The following AK5 variants were observed in gnomAD, a reference collection of about 807,000 sequenced individuals.
The protein encoded by AK5 is adenylate kinase 5, also known as adenylate kinase isoenzyme 5.
A neutral mutation model predicts 69.5 loss-of-function variants in AK5; 27 were observed. The ratio of observed to expected loss-of-function variants is 0.39; its 90% CI spans 0.29 to 0.54. AK5 has a LOEUF of 0.54. Among genes scored for constraint, AK5 ranks in the 20% least tolerant of loss-of-function variants. The pLI, the probability that AK5 is intolerant of heterozygous loss-of-function variation, is 0.71. For synonymous variants in AK5, 260 were observed against 244.4 expected (o/e 1.06, Z -0.60); for missense variants, 531 against 700.4 (o/e 0.76, Z 2.73).
At chr1:77,298,464 A>G (rs1357857877) in intron 5 of AK5, among the ~76,000 whole-genome samples, 2 of 151,982 alleles carry the variant, frequency 1.3e-5, no homozygotes, top group Non-Finnish European at 2.9e-5. Flanking sequence ...AATATTTTAT[A>G]TATCTATTTA....
At chr1:77,455,652 A>T (rs1466394005) in intron 8 of AK5, among the ~76,000 whole-genome samples, 1 of 152,100 alleles carries the variant, frequency 6.6e-6, no homozygotes. Flanking sequence ...CACCTAGTCT[A>T]TGATGTTTTA....
At chr1:77,305,128 A>G (rs1481577250) in intron 5 of AK5, among the ~76,000 whole-genome samples, 2 of 152,018 alleles carry the variant, frequency 1.3e-5, no homozygotes, top group South Asian at 2.1e-4. Flanking sequence ...TGCCATTTGT[A>G]TATTGTCTTT....
chr1:77,436,318 T>A (rs1229971909), intron 8 of AK5, among the ~76,000 whole-genome samples: 1 of 151,994 alleles, frequency 6.6e-6, no homozygotes, highest in African/African-American at 2.4e-5. Context: ...CATTTATTGG[T>A]ATGCTTTGTA....
At chr1:77,398,530 TAGAA>T (rs71702089) in intron 6 of AK5, among the ~76,000 whole-genome samples, 24,248 of 151,984 alleles carry the variant, frequency 0.16, 2,164 homozygotes, top group Middle Eastern at 0.27. Flanking sequence ...GAAGAGAAAA[TAGAA>T]AGGGGAAAAG....
chr1:77,408,635 G>C (rs1649820066), intron 6 of AK5, among the ~76,000 whole-genome samples: 1 of 151,900 alleles, frequency 6.6e-6, no homozygotes, highest in Non-Finnish European at 1.5e-5. Flanking sequence ...GGTTTAATTA[G>C]GTCCCACTTA....
chr1:77,553,790 G>A (rs1313079115), intron 13 of AK5, among the ~76,000 whole-genome samples: 4 of 152,132 alleles, frequency 2.6e-5, no homozygotes, highest in African/African-American at 9.7e-5. Context: ...CTTGAGAAGG[G>A]GCGGGAATGT....
At chr1:77,349,892 CT>C (rs1387690761) in intron 6 of AK5, among the ~76,000 whole-genome samples, 7 of 152,158 alleles carry the variant, frequency 4.6e-5, no homozygotes, top group Non-Finnish European at 7.4e-5. Context: ...TCCCTTAAGT[CT>C]TACGTTCCAT....
chr1:77,309,557 T>C (rs1659827390), intron 5 of AK5, among the ~76,000 whole-genome samples: 1 of 152,192 alleles, frequency 6.6e-6, no homozygotes, highest in Non-Finnish European at 1.5e-5. Flanking sequence ...TATAACGATT[T>C]CATGTTACAC....
At chr1:77,532,225 A>T in intron 12 of AK5, 1 of 155,518 alleles carries the variant, frequency 6.4e-6, no homozygotes, top group Non-Finnish European at 1.4e-5. Context: ...GTGGGCGCCA[A>T]GGCGGAGGAG....
At chr1:77,479,131 C>T (rs1655113002) in intron 8 of AK5, among the ~76,000 whole-genome samples, 1 of 151,590 alleles carries the variant, frequency 6.6e-6, no homozygotes, top group Admixed American at 6.6e-5. Flanking sequence ...CTAGATTTCT[C>T]CTCATCAATT....
At chr1:77,425,401 C>G (rs941530820) in intron 8 of AK5, among the ~76,000 whole-genome samples, 4 of 152,118 alleles carry the variant, frequency 2.6e-5, no homozygotes, top group Non-Finnish European at 5.9e-5. Context: ...GCTTGGCCAA[C>G]ATGGTGAAAC....
intron 6 of AK5, among the ~76,000 whole-genome samples, chr1:77,378,764 G>T (rs552783338): frequency 4.6e-5 from 7 of 152,326 alleles, no homozygotes; most frequent in Non-Finnish European, 8.8e-5. Context: ...AGATAAAGGA[G>T]CTATTAAGGT....
intron 13 of AK5, among the ~76,000 whole-genome samples, chr1:77,546,674 C>T (rs1249794618): frequency 1.3e-5 from 2 of 152,182 alleles, no homozygotes; most frequent in Non-Finnish European, 2.9e-5. Flanking sequence ...CGCGCCACTG[C>T]ACTCCAGCCT....
At chr1:77,410,738 GAA>G (rs1227057653) in intron 6 of AK5, among the ~76,000 whole-genome samples, 1 of 151,920 alleles carries the variant, frequency 6.6e-6, no homozygotes, top group Non-Finnish European at 1.5e-5. Flanking sequence ...CATAAATTAA[GAA>G]AATATTACAC....
At chr1:77,465,166 A>T (rs922712561) in intron 8 of AK5, among the ~76,000 whole-genome samples, 15 of 152,148 alleles carry the variant, frequency 9.9e-5, no homozygotes, top group South Asian at 2.1e-4. Context: ...TAGTTTTCTC[A>T]TTCATGAAAT....
rs780188121 is a variant in AK5, at chr1:77,297,542, C to T, written c.416-17C>T. ...ATTGTATCAGAAGATCACAGTTTTG[C>T]CTGTTTTAAATACTAGGTGGTCCAG... On this transcript the variant is annotated splice_polypyrimidine_tract_variant and intron_variant, in intron 3 of 13. Coordinates refer to ENST00000354567, the MANE Select transcript of AK5 (RefSeq NM_174858.3). 4.4e-6 allele frequency: 7 copies of T among 1,573,618 alleles called. No individual in the cohort carries two copies. In the African/African-American group the frequency reaches 8.2e-5, roughly 18 times the overall value.
At chr1:77,385,246 G>A (rs1305825277) in intron 6 of AK5, among the ~76,000 whole-genome samples, 3 of 152,164 alleles carry the variant, frequency 2.0e-5, no homozygotes, top group Admixed American at 1.3e-4. Flanking sequence ...TGCAAGCTCC[G>A]CCTCCCGGGT....
intron 5 of AK5, among the ~76,000 whole-genome samples, chr1:77,313,502 T>A (rs1660072494): frequency 6.6e-6 from 1 of 152,112 alleles, no homozygotes; most frequent in African/African-American, 2.4e-5. Context: ...CAGCTTTGAG[T>A]CTACATTCCT....
rs147154889 is a variant in AK5, at chr1:77,448,947, G to A, written c.1059+31232G>A. On this transcript the variant is annotated intron_variant, in intron 8 of 13. Coordinates refer to ENST00000354567, the MANE Select transcript of AK5 (RefSeq NM_174858.3). ...CAAGAATTGAGGTTTGGGAACCTCCGCCTATATTTCAGAGGATATATGGAA... is the reference window on the plus strand; with the variant it reads ...CAAGAATTGAGGTTTGGGAACCTCCACCTATATTTCAGAGGATATATGGAA... 1.7e-3 allele frequency among the ~76,000 whole-genome samples: 263 copies of A among 152,326 alleles called. 6 individuals are homozygous for A. The East Asian group carries it at 0.037, about 21-fold the overall frequency.
Sources: allele counts gnomAD v4.1 joint callset (sites outside exome capture counted in the v4.1 genomes callset), GRCh38; gene constraint gnomAD v4.1.1; transcripts MANE v1.5; gene names NCBI Gene and HGNC (gene_info 2026-07-23, HGNC 2026-07-21).